The following SLC47A1 variants were observed in gnomAD, a reference collection of about 807,000 sequenced individuals.
SLC47A1 encodes the protein multidrug and toxin extrusion protein 1.
In SLC47A1, 58 loss-of-function variants were observed where a neutral mutation model predicts 65.8. The observed-to-expected ratio is 0.88, with a 90% CI of 0.71 to 1.10. SLC47A1 has a LOEUF of 1.10. SLC47A1 is among the 50% of genes least tolerant of loss of function. The pLI is 0.00. For synonymous variants in SLC47A1, 285 were observed against 295.0 expected (o/e 0.97, Z 0.35); for missense variants, 706 against 719.2 (o/e 0.98, Z 0.21).
chr17:19,546,547 T>C, intron 3 of SLC47A1, 44 bp downstream of exon 3: 4 of 1,590,056 alleles, frequency 2.5e-6, no homozygotes, highest in Non-Finnish European at 3.4e-6. Flanking sequence ...TCAAACATCT[T>C]TTCTCAAGTG....
intron 6 of SLC47A1, among the ~76,000 whole-genome samples, chr17:19,554,410 GCCT>G (rs1916545279): frequency 6.6e-6 from 1 of 152,168 alleles, no homozygotes; most frequent in Admixed American, 6.5e-5. Flanking sequence ...ATGATTTTGA[GCCT>G]CCACGCGAGA....
chr17:19,560,853 T>G (rs2084303514), intron 12 of SLC47A1, among the ~76,000 whole-genome samples: 1 of 143,758 alleles, frequency 7.0e-6, no homozygotes, highest in Non-Finnish European at 1.5e-5. Context: ...CACTCCAGCC[T>G]GGGCAACAGA....
At position 19,578,478 on chromosome 17, in the gene SLC47A1, G is replaced by A. The variant is rs573490156; in HGVS notation, c.*925G>A. On this transcript the variant is annotated 3_prime_UTR_variant, in exon 17 of 17. Coordinates refer to ENST00000270570, the MANE Select transcript of SLC47A1 (RefSeq NM_018242.3). ...CCCAAAGTGTTGGGATTATAGGCAT[G>A]AGCCACCACGACTGGCCAGAGGACA... is the stretch of plus-strand genomic sequence containing the variant. 5.7e-5 allele frequency: 10 copies of A among 176,352 alleles called. No individual in the cohort carries two copies. The Admixed American group carries it at 5.8e-4, about 10-fold the overall frequency. 10.9% of individuals were successfully genotyped at this position (176,352 alleles called of 1,614,324 possible). A position where few individuals can be genotyped will look rare whatever the true frequency, so the allele number is the denominator to read the frequency against.
Position 19,567,245 on chromosome 17 carries a change from G to A in SLC47A1, c.1309+17G>A, listed in dbSNP as rs1219533800. ...GAGTGATGGGTAAGCTCTAACCTCT[G>A]CAGGCAGGGCTTAGCTGCTCACCAG... On this transcript the variant is annotated intron_variant, in intron 14 of 16. Coordinates refer to ENST00000270570, the MANE Select transcript of SLC47A1 (RefSeq NM_018242.3). 14 of 1,614,076 alleles carry A rather than the reference G, an allele frequency of 8.7e-6. No individual in the cohort carries two copies. The highest frequency in any genetic ancestry group is 8.5e-6 in the Non-Finnish European group (10 of 1,180,022).
At chr17:19,568,891 C>G (rs754861828) in intron 14 of SLC47A1, among the ~76,000 whole-genome samples, 2 of 151,936 alleles carry the variant, frequency 1.3e-5, no homozygotes, top group Non-Finnish European at 2.9e-5. Flanking sequence ...CTACTTTATT[C>G]TCCTGTTTCA....
At position 19,547,985 on chromosome 17, in the gene SLC47A1, A is replaced by C. The variant is rs1263174499; in HGVS notation, c.307A>C (p.Thr103Pro). The change falls in exon 4 of 17, where the codon ACG becomes CCG. Residue 103 changes from threonine (T) to proline (P), a missense_variant and splice_region_variant. Physicochemically the swap from Thr to Pro is conservative, Grantham distance 38. Coordinates refer to ENST00000270570, the MANE Select transcript of SLC47A1 (RefSeq NM_018242.3). ...SSACDTLISQ[T>P]YGSQNLKHVG... is the part of the protein sequence containing the mutation. The stretch of plus-strand genomic sequence containing the variant: ...CTCATTTTGGCTGTGTGCACCCCAG[A>C]CGTACGGGAGCCAGAACCTGAAGCA... 1.2e-6 allele frequency: 2 copies of C among 1,611,352 alleles called. No homozygotes were observed. The highest frequency in any genetic ancestry group is 3.3e-5 in the Admixed American group (2 of 59,948).
intron 12 of SLC47A1, among the ~76,000 whole-genome samples, chr17:19,564,908 G>T (rs550706916): frequency 6.6e-6 from 1 of 152,172 alleles, no homozygotes; most frequent in Admixed American, 6.5e-5. Flanking sequence ...TAGAAGAGAT[G>T]GGAGTTCTCC....
rs559886333 is a variant in SLC47A1, at chr17:19,560,305, A to T, written c.1030+9A>T. The T allele has an allele frequency of 3.1e-6, 5 of 1,610,752 alleles. No individual in the cohort carries two copies. The South Asian group carries it at 5.5e-5, about 18-fold the overall frequency. ...TTCCCTGCTGATTACAGGTGCTGAGACCCCTTTACCCGAGGCTCTTGGTGC... is the reference window on the plus strand; with the variant it reads ...TTCCCTGCTGATTACAGGTGCTGAGTCCCCTTTACCCGAGGCTCTTGGTGC... On this transcript the variant is annotated intron_variant, in intron 11 of 16. Transcript: ENST00000270570.
At position 19,549,088 on chromosome 17, in the gene SLC47A1, T is replaced by A. The variant is rs958478969; in HGVS notation, c.456-547T>A. ...CAGGTGGAGAATTACCTGGCCATAGTGCTGAGGTTGAAAAACCCTGTCCTA... is the reference window on the plus strand; with the variant it reads ...CAGGTGGAGAATTACCTGGCCATAGAGCTGAGGTTGAAAAACCCTGTCCTA... On this transcript the variant is annotated intron_variant, in intron 4 of 16. Coordinates refer to ENST00000270570, the MANE Select transcript of SLC47A1 (RefSeq NM_018242.3). 2.0e-5 allele frequency among the ~76,000 whole-genome samples: 3 copies of A among 152,122 alleles called. No individual in the cohort carries two copies. In the South Asian group the frequency reaches 6.2e-4, roughly 31 times the overall value.
intron 2 of SLC47A1, among the ~76,000 whole-genome samples, chr17:19,543,461 A>G (rs1916205452): frequency 6.6e-6 from 1 of 152,112 alleles, no homozygotes; most frequent in Non-Finnish European, 1.5e-5. Flanking sequence ...TTGGTCCCAC[A>G]GTTGGGGGAG....
At position 19,577,781 on chromosome 17, in the gene SLC47A1, C is replaced by G. The variant is rs2084452445; in HGVS notation, c.*228C>G. 18 of 1,368,504 alleles carry G rather than the reference C, an allele frequency of 1.3e-5. No homozygotes were observed. In the South Asian group the frequency reaches 2.6e-4, roughly 20 times the overall value. 84.8% of individuals were successfully genotyped at this position (1,368,504 alleles called of 1,614,324 possible). ...GAAAGATGACATGAGTAGTAATTCACCACTATCTGAACCAAGCAAGGATCA... is the reference window on the plus strand; with the variant it reads ...GAAAGATGACATGAGTAGTAATTCAGCACTATCTGAACCAAGCAAGGATCA... On this transcript the variant is annotated 3_prime_UTR_variant, in exon 17 of 17. Coordinates refer to ENST00000270570, the MANE Select transcript of SLC47A1 (RefSeq NM_018242.3).
At chr17:19,572,193 G>A (rs958328747) in intron 15 of SLC47A1, among the ~76,000 whole-genome samples, 1 of 152,124 alleles carries the variant, frequency 6.6e-6, no homozygotes, top group Middle Eastern at 3.2e-3. Context: ...AGTAAAAAGG[G>A]AGAGTTCTAA....
chr17:19,570,195 T>C (rs997598554), intron 14 of SLC47A1, among the ~76,000 whole-genome samples: 3 of 152,200 alleles, frequency 2.0e-5, no homozygotes, highest in South Asian at 4.1e-4. Context: ...CTGTAAAACC[T>C]GTACCGAATC....
intron 14 of SLC47A1, chr17:19,571,109 A>C (rs2084396302): frequency 6.2e-6 from 1 of 161,266 alleles, no homozygotes; most frequent in Non-Finnish European, 1.3e-5. Context: ...TTTTTGAGGA[A>C]ACCAGGGCAG....
intron 6 of SLC47A1, among the ~76,000 whole-genome samples, chr17:19,553,480 C>G (rs1916512067): frequency 6.6e-6 from 1 of 152,008 alleles, no homozygotes; most frequent in Admixed American, 6.6e-5. Flanking sequence ...GGTCAGTCAC[C>G]TGGTCCTATA....
intron 1 of SLC47A1, among the ~76,000 whole-genome samples, chr17:19,540,975 A>T (rs1916132492): frequency 6.6e-6 from 1 of 152,058 alleles, no homozygotes; most frequent in Non-Finnish European, 1.5e-5. Context: ...TAGGGAAGAA[A>T]AGAGGGAGAT....
At chr17:19,565,583 T>C (rs2084349607) in intron 12 of SLC47A1, among the ~76,000 whole-genome samples, 1 of 145,702 alleles carries the variant, frequency 6.9e-6, no homozygotes, top group South Asian at 2.3e-4. Flanking sequence ...AAATCTTTTT[T>C]TTTTTTTTTT....
chr17:19,559,957 T>C (rs1402898731), intron 10 of SLC47A1, among the ~76,000 whole-genome samples: 3 of 151,930 alleles, frequency 2.0e-5, no homozygotes, highest in South Asian at 2.1e-4. Flanking sequence ...GTCGCAGAGG[T>C]TGGAAGCTCT....
rs779512080 is a variant in SLC47A1 at position 19,546,419 on chromosome 17, T to C, written c.238-16T>C. The C allele has an allele frequency of 5.0e-6, 8 of 1,613,222 alleles. No individual in the cohort carries two copies. In the East Asian group the frequency reaches 1.8e-4, roughly 36 times the overall value. ...CCTTTAACTCTATAGGGCCTTATCT[T>C]TGGGTTTATTTGCAGGTTATCAATG... On this transcript the variant is annotated splice_polypyrimidine_tract_variant and intron_variant, in intron 2 of 16. Transcript: ENST00000270570.
Sources: allele counts gnomAD v4.1 joint callset (sites outside exome capture counted in the v4.1 genomes callset), GRCh38; gene constraint gnomAD v4.1.1; transcripts MANE v1.5; gene names NCBI Gene and HGNC (gene_info 2026-07-23, HGNC 2026-07-21).